KCTD16: variants seen among roughly 807,000 people sequenced by gnomAD.
KCTD16 encodes the protein potassium channel tetramerization domain containing 16, also known as BTB/POZ domain-containing protein KCTD16.
A neutral mutation model predicts 33.2 loss-of-function variants in KCTD16; 13 were observed. The ratio of observed to expected loss-of-function variants is 0.39; its 90% CI spans 0.25 to 0.62. KCTD16 has a LOEUF of 0.62. KCTD16 is among the 20% of genes least tolerant of loss of function. KCTD16 has a pLI of 0.50. For synonymous variants in KCTD16, 197 were observed against 195.3 expected (o/e 1.01, Z -0.07); for missense variants, 441 against 525.1 (o/e 0.84, Z 1.57).
chr5:144,395,389 C>G (rs1752546459), intron 3 of KCTD16, among the ~76,000 whole-genome samples: 1 of 152,112 alleles, frequency 6.6e-6, no homozygotes, highest in Admixed American at 6.5e-5. Flanking sequence ...TAAAATGTAT[C>G]CACTGAAAAG....
intron 3 of KCTD16, among the ~76,000 whole-genome samples, chr5:144,264,148 A>G (rs1441614595): frequency 1.3e-5 from 2 of 152,222 alleles, no homozygotes; most frequent in African/African-American, 4.8e-5. Context: ...TTTTGAACAT[A>G]TTCATCTGAA....
At chr5:144,317,091 G>A (rs1049399511) in intron 3 of KCTD16, among the ~76,000 whole-genome samples, 4 of 152,040 alleles carry the variant, frequency 2.6e-5, no homozygotes, top group African/African-American at 4.8e-5. Context: ...CTCCCAAAGT[G>A]CTGGGATTAC....
At chr5:144,376,088 G>T (rs1009293674) in intron 3 of KCTD16, among the ~76,000 whole-genome samples, 4 of 152,074 alleles carry the variant, frequency 2.6e-5, no homozygotes, top group Non-Finnish European at 5.9e-5. Flanking sequence ...ACCTCCCAAA[G>T]TGCAAACTTT....
intron 3 of KCTD16, among the ~76,000 whole-genome samples, chr5:144,228,206 G>C (rs1031398538): frequency 6.6e-6 from 1 of 152,192 alleles, no homozygotes; most frequent in African/African-American, 2.4e-5. Flanking sequence ...CAAGTGTTAA[G>C]ACCTGGGAGT....
Position 144,481,718 on chromosome 5 carries a change from A to G in KCTD16, c.*7604A>G, listed in dbSNP as rs1477202750. ...TATTTGTTGGGTACATACTATATAT[A>G]GGTCACTGTCGTGAGCATTATAATG... On this transcript the variant is annotated 3_prime_UTR_variant, in exon 4 of 4. Coordinates refer to ENST00000512467, the MANE Select transcript of KCTD16 (RefSeq NM_020768.4). 1 of 151,950 alleles carries G rather than the reference A, an allele frequency of 6.6e-6. No individual in the cohort carries two copies. Among genetic ancestry groups the G allele is most frequent in the Non-Finnish European group, 1.5e-5 (1 of 67,936 alleles). The allele number at this position is 151,950 out of a possible 1,614,324, so 9.4% of individuals were successfully genotyped here.
chr5:144,346,993 T>C (rs962272786), intron 3 of KCTD16, among the ~76,000 whole-genome samples: 1 of 152,206 alleles, frequency 6.6e-6, no homozygotes, highest in Non-Finnish European at 1.5e-5. Context: ...TTTGAATTCT[T>C]ATATTTAAGT....
chr5:144,229,033 G>A (rs1267854826), intron 3 of KCTD16, among the ~76,000 whole-genome samples: 1 of 152,140 alleles, frequency 6.6e-6, no homozygotes, highest in Non-Finnish European at 1.5e-5. Context: ...TGGCACTGAA[G>A]GACTCACTTG....
chr5:144,338,725 A>G (rs831419), intron 3 of KCTD16, among the ~76,000 whole-genome samples: 34,454 of 152,058 alleles, frequency 0.23, 4,184 homozygotes, highest in Non-Finnish European at 0.28. Flanking sequence ...CATGGGATGA[A>G]GATCATGTAC....
chr5:144,224,457 C>G (rs1753868159), intron 3 of KCTD16, among the ~76,000 whole-genome samples: 1 of 118,196 alleles, frequency 8.5e-6, no homozygotes, highest in African/African-American at 3.2e-5. Context: ...ATGGTGCTTT[C>G]TATTCTGACA....
At chr5:144,424,741 A>C (rs1753286312) in intron 3 of KCTD16, among the ~76,000 whole-genome samples, 1 of 152,134 alleles carries the variant, frequency 6.6e-6, no homozygotes, top group African/African-American at 2.4e-5. Context: ...GATGGGAGCC[A>C]AAGTTATCCT....
chr5:144,368,483 G>A (rs548933294), intron 3 of KCTD16, among the ~76,000 whole-genome samples: 1 of 152,274 alleles, frequency 6.6e-6, no homozygotes, highest in South Asian at 2.1e-4. Flanking sequence ...TTGACAGCCA[G>A]CAAGGAAACA....
rs114275426 is a variant in KCTD16, at chr5:144,183,800, A to G, written c.-327+9328A>G. On this transcript the variant is annotated intron_variant, in intron 2 of 3. Coordinates refer to ENST00000512467, the MANE Select transcript of KCTD16 (RefSeq NM_020768.4). ...AAATATTTGCTATATGTTATAAATAAAAGTATAAATGAATCAAGGCTAGAA... is the reference window on the plus strand; with the variant it reads ...AAATATTTGCTATATGTTATAAATAGAAGTATAAATGAATCAAGGCTAGAA... 4.9e-3 allele frequency among the ~76,000 whole-genome samples: 750 copies of G among 152,348 alleles called. 2 individuals carry two copies. The highest frequency in any genetic ancestry group is 7.8e-3 in the Non-Finnish European group (532 of 68,042).
chr5:144,407,925 T>G (rs1226998661), intron 3 of KCTD16, among the ~76,000 whole-genome samples: 4 of 152,378 alleles, frequency 2.6e-5, no homozygotes, highest in East Asian at 3.9e-4. Context: ...GTGCTACATT[T>G]TCTTTATCCA....
chr5:144,356,501 G>C (rs1343709221), intron 3 of KCTD16, among the ~76,000 whole-genome samples: 8 of 152,026 alleles, frequency 5.3e-5, no homozygotes. Flanking sequence ...GATTCTGAAA[G>C]GTCAGTTTCA....
intron 3 of KCTD16, among the ~76,000 whole-genome samples, chr5:144,350,724 T>G (rs1363247568): frequency 4.6e-5 from 7 of 152,236 alleles, no homozygotes. Context: ...TATATTTTAA[T>G]AAGATTATAA....
chr5:144,452,039 T>A (rs184026025), intron 3 of KCTD16, among the ~76,000 whole-genome samples: 1 of 150,924 alleles, frequency 6.6e-6, no homozygotes, highest in African/African-American at 2.5e-5. Context: ...ATTTCTTACC[T>A]CCCATCTAAG....
At chr5:144,422,925 G>A (rs968920746) in intron 3 of KCTD16, among the ~76,000 whole-genome samples, 1 of 152,126 alleles carries the variant, frequency 6.6e-6, no homozygotes, top group African/African-American at 2.4e-5. Context: ...TCTACAGGGG[G>A]AGGACCAACA....
At chr5:144,286,891 T>C (rs1418450365) in intron 3 of KCTD16, among the ~76,000 whole-genome samples, 2 of 152,198 alleles carry the variant, frequency 1.3e-5, no homozygotes, top group Admixed American at 1.3e-4. Flanking sequence ...ATCGTAATAA[T>C]AGGCCTGACA....
At chr5:144,343,794 G>A (rs1379690142) in intron 3 of KCTD16, among the ~76,000 whole-genome samples, 2 of 152,070 alleles carry the variant, frequency 1.3e-5, no homozygotes, top group African/African-American at 4.8e-5. Context: ...TGTTCTCATT[G>A]GTTTCAAAGA....
Sources: gnomAD v4.1 joint callset for allele counts (sites outside exome capture counted in the v4.1 genomes callset) on GRCh38, gnomAD v4.1.1 for gene constraint, MANE v1.5 for transcripts, NCBI Gene and HGNC (gene_info 2026-07-23, HGNC 2026-07-21) for gene names.